Variants in MCEE observed in about 807,000 individuals in gnomAD.
The protein encoded by MCEE is methylmalonyl-CoA epimerase, mitochondrial.
MCEE carries 6 observed loss-of-function variants against 12.9 expected under a neutral mutation model. The ratio of observed to expected loss-of-function variants is 0.47; its 90% CI spans 0.26 to 0.92. The LOEUF is 0.92. Ranked by LOEUF, MCEE falls within the 40% of genes least tolerant of loss-of-function variation. MCEE has a pLI of 0.16. For synonymous variants in MCEE, 78 were observed against 77.9 expected (o/e 1.00, Z -0.01); for missense variants, 214 against 212.1 (o/e 1.01, Z -0.05).
intron 2 of MCEE, among the ~76,000 whole-genome samples, chr2:71,116,283 AG>A (rs1423255352): frequency 1.3e-5 from 2 of 150,062 alleles, no homozygotes; most frequent in African/African-American, 5.1e-5. Flanking sequence ...CGTGTTAGCC[AG>A]GATGGTCTCG....
chr2:71,125,210 TA>T (rs1266369996), intron 1 of MCEE, among the ~76,000 whole-genome samples: 622 of 61,430 alleles, frequency 0.01, 12 homozygotes, highest in African/African-American at 0.046. Context: ...TATATATATA[TA>T]TTTTTTTTTT....
chr2:71,120,030 G>T (rs1673067639), intron 2 of MCEE, among the ~76,000 whole-genome samples: 1 of 149,816 alleles, frequency 6.7e-6, no homozygotes, highest in South Asian at 2.1e-4. Context: ...TCCAGCATGG[G>T]TGACACAGTG....
Position 71,124,373 on chromosome 2 carries a change from C to A in MCEE, c.211G>T (p.Ala71Ser). 1 of 1,614,076 alleles carries A rather than the reference C, an allele frequency of 6.2e-7. No individual in the cohort carries two copies. The highest frequency in any genetic ancestry group is 8.5e-7 in the Non-Finnish European group (1 of 1,179,980). The change falls in exon 2 of 3, where the codon GCC (alanine) becomes TCC (serine). Residue 71 changes from alanine to serine, a missense_variant. Coordinates refer to ENST00000244217, the MANE Select transcript of MCEE (RefSeq NM_032601.4). ...AAAFYKNILG[A>S]QVSEAVPLPE... ...AGAGGGACCGCTTCACTTACCTGGG[C>A]CCCCAGAATATTCTTATAAAATGCT...
intron 2 of MCEE, among the ~76,000 whole-genome samples, chr2:71,110,610 C>G (rs1482773690): frequency 2.0e-5 from 3 of 152,178 alleles, no homozygotes; most frequent in Admixed American, 6.5e-5. Context: ...AAAACTTGCC[C>G]TGCCAAAACA....
At position 71,124,552 on chromosome 2, in the gene MCEE, T is replaced by C. The variant is rs1673178812; in HGVS notation, c.41-9A>G. Reference sequence around the variant, plus strand: ...AAGTCTGGAAAAAAGCCCTGAAAAATTGAACAGCCATTGATATCCTTCTTT... The same window carrying C: ...AAGTCTGGAAAAAAGCCCTGAAAAACTGAACAGCCATTGATATCCTTCTTT... On this transcript the variant is annotated splice_polypyrimidine_tract_variant and intron_variant, in intron 1 of 2. Coordinates refer to ENST00000244217, the MANE Select transcript of MCEE (RefSeq NM_032601.4). The C allele has an allele frequency of 2.5e-6, 4 of 1,607,364 alleles. No homozygotes were observed. The highest frequency in any genetic ancestry group is 3.4e-6 in the Non-Finnish European group (4 of 1,174,294).
intron 2 of MCEE, chr2:71,118,217 C>T (rs530616340): frequency 6.6e-6 from 1 of 151,146 alleles, no homozygotes; most frequent in Non-Finnish European, 1.5e-5. Context: ...GCGAGGACAC[C>T]CAGCTTATCC....
At position 71,124,485 on chromosome 2, in the gene MCEE, C is replaced by T; in HGVS notation, c.99G>A (p.Gln33=). 6.2e-7 allele frequency: 1 copy of T among 1,614,104 alleles called. No homozygotes were observed. Among genetic ancestry groups the T allele is most frequent in the Non-Finnish European group, 8.5e-7 (1 of 1,180,026 alleles). ...CAGAACCTGTCACTTGATCCAAGGG[C>T]TGTGATGTGGAAGAAGCTCTTACTG... is the stretch of plus-strand genomic sequence containing the variant. ...IPTVRASSTS[Q]PLDQVTGSVW... Residue 33 remains glutamine (Q), a synonymous_variant, in exon 2 of 3, where the codon CAG becomes CAA. Transcript: ENST00000244217.
Position 71,109,866 on chromosome 2 carries a change from C to T in MCEE, c.*104G>A. 9.0e-7 allele frequency: 1 copy of T among 1,110,504 alleles called. No individual in the cohort carries two copies. Among genetic ancestry groups the T allele is most frequent in the African/African-American group, 1.5e-5 (1 of 64,900 alleles). The allele number at this position is 1,110,504 out of a possible 1,614,324, so 68.8% of individuals were successfully genotyped here. A position where few individuals can be genotyped will look rare whatever the true frequency, so the allele number is the denominator to read the frequency against. On this transcript the variant is annotated 3_prime_UTR_variant, in exon 3 of 3. Coordinates refer to ENST00000244217, the MANE Select transcript of MCEE (RefSeq NM_032601.4). ...CTGTAATTCAGTCTTTAACTGTGAA[C>T]TTTTACATGATGGAAGCAGTGAAGG...
At chr2:71,118,324 T>TCCCCACAGTGTCGGTGCCCC (rs1673035607) in intron 2 of MCEE, 1 of 150,472 alleles carries the variant, frequency 6.6e-6, no homozygotes, top group Non-Finnish European at 1.5e-5. Flanking sequence ...GGGCGTGCCC[T>TCCCCACAGTGTCGGTGCCCC]CCCCACAGTG....
At position 71,109,828 on chromosome 2, in the gene MCEE, T is replaced by C. The variant is rs1435157645; in HGVS notation, c.*142A>G. ...ATATTTATGTATTTATATATGTATATATTTTAATCTTTCTGTAATTCAGTC... is the reference window on the plus strand; with the variant it reads ...ATATTTATGTATTTATATATGTATACATTTTAATCTTTCTGTAATTCAGTC... On this transcript the variant is annotated 3_prime_UTR_variant, in exon 3 of 3. Transcript: ENST00000244217. The C allele has an allele frequency of 7.9e-6, 5 of 630,508 alleles. No homozygotes were observed. Among genetic ancestry groups the C allele is most frequent in the African/African-American group, 3.7e-5 (2 of 54,008 alleles). 39.1% of individuals were successfully genotyped at this position (630,508 alleles called of 1,614,324 possible).
chr2:71,113,489 T>A (rs1672929270), intron 2 of MCEE, among the ~76,000 whole-genome samples: 1 of 151,986 alleles, frequency 6.6e-6, no homozygotes, highest in Admixed American at 6.6e-5. Flanking sequence ...AGAAGATGAA[T>A]TTGGAGCATC....
In MCEE at chr2:71,130,189, T is replaced by C. The variant is rs781009930; in HGVS notation, c.31A>G (p.Asn11Asp). Residue 11 changes from asparagine (N) to aspartate (D), a missense_variant, in exon 1 of 3, where the codon AAT (asparagine) becomes GAT (aspartate). Transcript: ENST00000244217. Reference protein sequence around the residue: MARVLKAAAANAVGLFSRLQA... With the variant: MARVLKAAAADAVGLFSRLQA... Reference sequence around the variant, plus strand: ...GGTGCCCGGTATTCACCTACGGCATTCGCGGCTGCAGCCTTCAGCACCCGC... The same window carrying C: ...GGTGCCCGGTATTCACCTACGGCATCCGCGGCTGCAGCCTTCAGCACCCGC... 6.2e-7 allele frequency: 1 copy of C among 1,608,788 alleles called. No individual in the cohort carries two copies. Among genetic ancestry groups the C allele is most frequent in the Non-Finnish European group, 8.5e-7 (1 of 1,178,542 alleles).
intron 1 of MCEE, among the ~76,000 whole-genome samples, chr2:71,125,807 T>C (rs1673219084): frequency 1.3e-5 from 2 of 152,252 alleles, no homozygotes; most frequent in Admixed American, 1.3e-4. Flanking sequence ...GCACTGTATT[T>C]ATTTTTTTAC....
chr2:71,115,051 C>T (rs1207985290), intron 2 of MCEE, among the ~76,000 whole-genome samples: 2 of 152,158 alleles, frequency 1.3e-5, no homozygotes, highest in Non-Finnish European at 2.9e-5. Flanking sequence ...TTTTAGTATA[C>T]TCCTTCTTCA....
chr2:71,126,383 G>T (rs1477481795), intron 1 of MCEE, among the ~76,000 whole-genome samples: 1 of 151,348 alleles, frequency 6.6e-6, no homozygotes, highest in African/African-American at 2.4e-5. Flanking sequence ...GCATGCCACC[G>T]CACCCGGCTA....
rs924043923 is a variant in MCEE, at chr2:71,124,277, C to G, written c.307G>C (p.Gly103Arg). ...NTKMELLHPL[G>R]RDSPIAGFLQ... is the part of the protein sequence containing the mutation. ...AAACCTGCAATTGGACTGTCACGTC[C>G]CAATGGATGAAGCAGTTCCATCTTG... Residue 103 changes from glycine to arginine, a missense_variant, in exon 2 of 3, where the codon GGA becomes CGA. By Grantham distance (125) the Gly-to-Arg change is moderately radical (BLOSUM62 -2). Transcript: ENST00000244217. 4 of 1,614,006 alleles carry G rather than the reference C, an allele frequency of 2.5e-6. No homozygotes were observed. In the Admixed American group the frequency reaches 6.7e-5, roughly 27 times the overall value.
intron 2 of MCEE, among the ~76,000 whole-genome samples, chr2:71,110,481 C>T (rs572377416): frequency 5.9e-5 from 9 of 152,210 alleles, no homozygotes; most frequent in African/African-American, 2.2e-4. Context: ...CTATAACAGG[C>T]AAATGAGGTC....
intron 1 of MCEE, 30 bp from the exon 2 acceptor site, chr2:71,124,573 T>C (rs746743573): frequency 1.9e-6 from 3 of 1,544,802 alleles, no homozygotes; most frequent in Admixed American, 3.3e-5. Context: ...TTGATATCCT[T>C]CTTTTGAGAA....
At chr2:71,121,753 C>T (rs1558746544) in intron 2 of MCEE, among the ~76,000 whole-genome samples, 1 of 152,060 alleles carries the variant, frequency 6.6e-6, no homozygotes, top group Non-Finnish European at 1.5e-5. Context: ...AGGGCTTAGA[C>T]AAACACTCAG....
Sources: allele counts gnomAD v4.1 joint callset (sites outside exome capture counted in the v4.1 genomes callset), GRCh38; gene constraint gnomAD v4.1.1; transcripts MANE v1.5; gene names NCBI Gene and HGNC (gene_info 2026-07-23, HGNC 2026-07-21).